Variants in PCDHA3 observed in about 807,000 individuals in gnomAD.
The protein encoded by PCDHA3 is protocadherin alpha 3.
PCDHA3 carries 41 observed loss-of-function variants against 62.2 expected under a neutral mutation model. The observed-to-expected ratio is 0.66, with a 90% CI of 0.51 to 0.86. The LOEUF (loss-of-function observed/expected upper bound fraction) is 0.86, where lower values mean the gene tolerates loss of function less well. Ranked by LOEUF, PCDHA3 falls within the 40% of genes least tolerant of loss-of-function variation. PCDHA3 has a pLI of 0.00. For synonymous variants in PCDHA3, 640 were observed against 555.4 expected, an observed-to-expected ratio of 1.15 and a Z score of -2.14; for missense variants, 1,304 against 1,241.2, an observed-to-expected ratio of 1.05 and a Z score of -0.76.
intron 1 of PCDHA3, among the ~76,000 whole-genome samples, chr5:140,831,530 T>C (rs1204695597): frequency 6.7e-6 from 1 of 150,262 alleles, no homozygotes; most frequent in Non-Finnish European, 1.5e-5. Flanking sequence ...CTTTTTTTTT[T>C]TTTTTTTTTT....
chr5:140,945,597 A>G (rs374286655), intron 1 of PCDHA3, among the ~76,000 whole-genome samples: 11 of 152,170 alleles, frequency 7.2e-5, no homozygotes, highest in Non-Finnish European at 1.2e-4. Context: ...CTTCAAAGCT[A>G]TAATAATCAA....
In PCDHA3 at chr5:140,870,516, C is replaced by A. The variant is rs568100247; in HGVS notation, c.2394+66925C>A. The A allele has an allele frequency of 2.2e-4, 361 of 1,614,240 alleles. 3 individuals carry two copies. In the South Asian group the frequency reaches 3.8e-3, roughly 17 times the overall value. ...TGAAGGAGAACAACCCACCAGGCTG[C>A]CACATCTTCACAGTGTCGGCGCGGG... is the stretch of plus-strand genomic sequence containing the variant. On this transcript the variant is annotated intron_variant, in intron 1 of 3. Coordinates refer to ENST00000522353, the MANE Select transcript of PCDHA3 (RefSeq NM_018906.3).
intron 2 of PCDHA3, among the ~76,000 whole-genome samples, chr5:140,981,605 C>CT (rs1444386694): frequency 1.1e-4 from 17 of 152,174 alleles, no homozygotes; most frequent in African/African-American, 2.9e-4. Context: ...AAATGTTCCT[C>CT]TAATTTTGAT....
chr5:140,982,963 A>G (rs2097017646), intron 3 of PCDHA3, among the ~76,000 whole-genome samples: 1 of 151,972 alleles, frequency 6.6e-6, no homozygotes, highest in South Asian at 2.1e-4. Context: ...AAACCCACCC[A>G]AAGTAGTAAG....
chr5:140,929,246 C>T, intron 1 of PCDHA3: 1 of 1,613,738 alleles, frequency 6.2e-7, no homozygotes, highest in Non-Finnish European at 8.5e-7. Context: ...AATCTTGCCA[C>T]TGGGGTAGGA....
chr5:140,952,303 AC>A (rs1554220328), intron 1 of PCDHA3, among the ~76,000 whole-genome samples: 1 of 147,998 alleles, frequency 6.8e-6, no homozygotes, highest in African/African-American at 2.5e-5. Flanking sequence ...CAGCCATTTC[AC>A]TCCAGCCTGG....
At chr5:140,823,479 A>C in intron 1 of PCDHA3, 1 of 1,613,314 alleles carries the variant, frequency 6.2e-7, no homozygotes, top group African/African-American at 1.3e-5. Flanking sequence ...TGGTGCCTCG[A>C]GTGGGTGGCA....
At chr5:140,831,243 T>A (rs916636850) in intron 1 of PCDHA3, 1 of 152,224 alleles carries the variant, frequency 6.6e-6, no homozygotes, top group Admixed American at 6.6e-5. Context: ...GCATTGCGGC[T>A]CTCTTATTTC....
At chr5:141,004,142 G>C (rs1323224367) in intron 3 of PCDHA3, among the ~76,000 whole-genome samples, 1 of 152,214 alleles carries the variant, frequency 6.6e-6, no homozygotes, top group African/African-American at 2.4e-5. Flanking sequence ...TGCCCCAAAG[G>C]CATGACATTT....
chr5:140,941,347 T>C (rs246069), intron 1 of PCDHA3, among the ~76,000 whole-genome samples: 97,460 of 130,222 alleles, frequency 0.75, 37,726 homozygotes, highest in African/African-American at 0.94. Context: ...GATGGAGTCT[T>C]GCTCTGTTGC....
chr5:140,830,545 C>A, intron 1 of PCDHA3: 1 of 1,153,858 alleles, frequency 8.7e-7, no homozygotes, highest in Non-Finnish European at 1.2e-6. Flanking sequence ...TTGTTTTCCT[C>A]ATATTTGTCT....
chr5:140,810,589 T>G (rs543690112), intron 1 of PCDHA3: 1 of 152,334 alleles, frequency 6.6e-6, no homozygotes, highest in African/African-American at 2.4e-5. Context: ...ACCTTTCTAT[T>G]TTATTTTGGC....
chr5:140,833,525 C>T (rs1216411666), intron 1 of PCDHA3, among the ~76,000 whole-genome samples: 2 of 152,108 alleles, frequency 1.3e-5, no homozygotes, highest in East Asian at 3.8e-4. Flanking sequence ...ATTCATAACA[C>T]ACAAGTGTTC....
At chr5:140,824,152 A>T (rs184380215) in intron 1 of PCDHA3, 13 of 1,611,614 alleles carry the variant, frequency 8.1e-6, no homozygotes, top group Middle Eastern at 1.7e-4. Context: ...ATTAACATCC[A>T]TCTTTCCCTC....
At chr5:140,829,954 G>C in intron 1 of PCDHA3, 1 of 1,613,992 alleles carries the variant, frequency 6.2e-7, no homozygotes, top group South Asian at 1.1e-5. Flanking sequence ...CTCGCTTCCC[G>C]TTTCGCGTGG....
chr5:140,951,507 C>T (rs2094591964), intron 1 of PCDHA3, among the ~76,000 whole-genome samples: 1 of 151,952 alleles, frequency 6.6e-6, no homozygotes, highest in Admixed American at 6.6e-5. Context: ...AAAAGGAAAG[C>T]GGCTCATCTT....
intron 1 of PCDHA3, chr5:140,968,039 G>A (rs1016266543): frequency 1.7e-5 from 28 of 1,614,026 alleles, no homozygotes; most frequent in Non-Finnish European, 1.9e-5. Context: ...GGTGGTGAGC[G>A]GCCCACTGGA....
At chr5:140,919,910 A>C (rs1350361054) in intron 1 of PCDHA3, among the ~76,000 whole-genome samples, 1 of 152,204 alleles carries the variant, frequency 6.6e-6, no homozygotes. Flanking sequence ...GGATGAAATT[A>C]CCCTAAATTT....
intron 1 of PCDHA3, chr5:140,884,558 C>T: frequency 3.7e-6 from 6 of 1,614,146 alleles, no homozygotes; most frequent in Non-Finnish European, 5.1e-6. Flanking sequence ...TGGGGAGGGC[C>T]CGCATAAGAC....
Sources: allele counts gnomAD v4.1 joint callset (sites outside exome capture counted in the v4.1 genomes callset), GRCh38; gene constraint gnomAD v4.1.1; transcripts MANE v1.5; gene names NCBI Gene and HGNC (gene_info 2026-07-23, HGNC 2026-07-21).